Variants in CFTR observed in about 807,000 individuals in gnomAD.
CFTR encodes the protein cystic fibrosis transmembrane conductance regulator.
Under a neutral mutation model 171.6 loss-of-function variants are expected in CFTR, and 181 were observed. The observed-to-expected ratio is 1.05, with a 90% CI of 0.93 to 1.19. The LOEUF is 1.19. CFTR is among the 50% of genes most tolerant of loss of function. The pLI is 0.00. For synonymous variants in CFTR, 583 were observed against 608.0 expected (o/e 0.96, Z 0.60); for missense variants, 1,968 against 1,734.7 (o/e 1.13, Z -2.39).
At chr7:117,493,071 G>C (rs555228620) in intron 1 of CFTR, among the ~76,000 whole-genome samples, 1 of 152,174 alleles carries the variant, frequency 6.6e-6, no homozygotes, top group South Asian at 2.1e-4. Context: ...AGAGAATCTG[G>C]CACAGCGTTT....
intron 7 of CFTR, among the ~76,000 whole-genome samples, chr7:117,538,734 T>G (rs1798998204): frequency 8.4e-6 from 1 of 119,362 alleles, no homozygotes; most frequent in African/African-American, 4.6e-5. Flanking sequence ...GAGGGAAGAG[T>G]GACTTGCTTA....
At chr7:117,511,022 C>T (rs1798508789) in intron 3 of CFTR, among the ~76,000 whole-genome samples, 1 of 151,964 alleles carries the variant, frequency 6.6e-6, no homozygotes, top group South Asian at 2.1e-4. Context: ...ACCCTTTCAC[C>T]ATACCAGATT....
intron 3 of CFTR, among the ~76,000 whole-genome samples, chr7:117,528,451 G>C: frequency 1.7e-5 from 2 of 120,030 alleles, no homozygotes. Flanking sequence ...GGACATAGGC[G>C]TGGGCAAGGA....
At chr7:117,567,062 C>G (rs1324486696) in intron 11 of CFTR, among the ~76,000 whole-genome samples, 1 of 152,124 alleles carries the variant, frequency 6.6e-6, no homozygotes, top group Non-Finnish European at 1.5e-5. Context: ...AAAATTAAGA[C>G]ACTTAAGCCA....
chr7:117,487,706 C>G (rs1798096300), intron 1 of CFTR: 1 of 152,092 alleles, frequency 6.6e-6, no homozygotes, highest in South Asian at 2.1e-4. Context: ...GCAACTACCT[C>G]CTACCTGACT....
At chr7:117,578,479 C>T (rs1200022076) in intron 11 of CFTR, among the ~76,000 whole-genome samples, 1 of 152,054 alleles carries the variant, frequency 6.6e-6, no homozygotes, top group African/African-American at 2.4e-5. Context: ...CAACAGTAGA[C>T]TATTGCTAGT....
chr7:117,653,825 T>C (rs539467605), intron 24 of CFTR, among the ~76,000 whole-genome samples: 1 of 152,202 alleles, frequency 6.6e-6, no homozygotes, highest in Admixed American at 6.5e-5. Flanking sequence ...TCAGGTAGAG[T>C]GGGACTTAAG....
intron 11 of CFTR, among the ~76,000 whole-genome samples, chr7:117,568,029 A>G (rs1164190633): frequency 1.3e-5 from 2 of 152,186 alleles, no homozygotes; most frequent in African/African-American, 4.8e-5. Context: ...AACAAAATGT[A>G]CGAGGCCTGA....
intron 22 of CFTR, among the ~76,000 whole-genome samples, chr7:117,633,452 A>G (rs1346995691): frequency 6.6e-6 from 1 of 152,042 alleles, no homozygotes; most frequent in Non-Finnish European, 1.5e-5. Context: ...CATCATCTGA[A>G]CTTAGTTTTA....
chr7:117,625,610 G>C (rs1792639485), intron 21 of CFTR, among the ~76,000 whole-genome samples: 1 of 152,080 alleles, frequency 6.6e-6, no homozygotes, highest in Non-Finnish European at 1.5e-5. Flanking sequence ...TAAAATATAA[G>C]TTTAGAATTG....
intron 9 of CFTR, among the ~76,000 whole-genome samples, chr7:117,543,097 A>T (rs1489809222): frequency 6.6e-6 from 1 of 152,200 alleles, no homozygotes; most frequent in Non-Finnish European, 1.5e-5. Context: ...TATTGAGCAC[A>T]CCTGTTGAAG....
chr7:117,597,056 T>TA (rs1433981634), intron 15 of CFTR, among the ~76,000 whole-genome samples: 1 of 152,140 alleles, frequency 6.6e-6, no homozygotes, highest in Non-Finnish European at 1.5e-5. Context: ...GATAAGAGAA[T>TA]AAAAGCAGGC....
intron 24 of CFTR, among the ~76,000 whole-genome samples, chr7:117,658,892 T>C (rs186642909): frequency 7.9e-5 from 12 of 152,312 alleles, no homozygotes; most frequent in Admixed American, 2.6e-4. Flanking sequence ...TGGTGATCTT[T>C]CCAAACCCCA....
At chr7:117,484,682 A>G (rs1186250882) in intron 1 of CFTR, among the ~76,000 whole-genome samples, 2 of 151,808 alleles carry the variant, frequency 1.3e-5, no homozygotes, top group Non-Finnish European at 2.9e-5. Flanking sequence ...GACAAAAATT[A>G]TAATTACATT....
intron 1 of CFTR, among the ~76,000 whole-genome samples, chr7:117,495,718 C>G (rs1172543698): frequency 6.6e-6 from 1 of 152,040 alleles, no homozygotes; most frequent in Non-Finnish European, 1.5e-5. Flanking sequence ...CAGCCATTGA[C>G]ATATTTGAAA....
chr7:117,480,615 A>G (rs1797987469), intron 1 of CFTR, among the ~76,000 whole-genome samples: 1 of 152,190 alleles, frequency 6.6e-6, no homozygotes, highest in Non-Finnish European at 1.5e-5. Context: ...GGGTAGGTAG[A>G]AAATATATGC....
At chr7:117,524,522 T>C (rs1457894161) in intron 3 of CFTR, among the ~76,000 whole-genome samples, 1 of 152,220 alleles carries the variant, frequency 6.6e-6, no homozygotes, top group East Asian at 1.9e-4. Flanking sequence ...AATATTGCCA[T>C]TGTAAGCATA....
At chr7:117,510,967 G>A (rs1235552601) in intron 3 of CFTR, among the ~76,000 whole-genome samples, 1 of 152,020 alleles carries the variant, frequency 6.6e-6, no homozygotes, top group East Asian at 1.9e-4. Context: ...TACACATATG[G>A]TAAGTTTGAG....
chr7:117,517,425 A>T (rs372700199), intron 3 of CFTR, among the ~76,000 whole-genome samples: 3 of 152,270 alleles, frequency 2.0e-5, no homozygotes, highest in East Asian at 3.9e-4. Flanking sequence ...CATGGTATAT[A>T]TGTGCCACAT....
Sources: gnomAD v4.1 joint callset for allele counts (sites outside exome capture counted in the v4.1 genomes callset) on GRCh38, gnomAD v4.1.1 for gene constraint, MANE v1.5 for transcripts, NCBI Gene and HGNC (gene_info 2026-07-23, HGNC 2026-07-21) for gene names.